The following EPB41L2 variants were observed in gnomAD, a reference collection of about 807,000 sequenced individuals.
The protein encoded by EPB41L2 is erythrocyte membrane protein band 4.1 like 2, also known as band 4.1-like protein 2.
In EPB41L2, 43 loss-of-function variants were observed where a neutral mutation model predicts 113.0. The ratio of observed to expected loss-of-function variants is 0.38; its 90% CI spans 0.30 to 0.49. The LOEUF is 0.49. Ranked by LOEUF, EPB41L2 falls within the 20% of genes least tolerant of loss-of-function variation. The probability of loss-of-function intolerance (pLI) is 0.95; values close to 1 mark genes in which losing one functional copy is unlikely to be tolerated. For missense variants in EPB41L2, 1,147 were observed against 1,223.4 expected, an observed-to-expected ratio of 0.94 and a Z score of 0.93; for synonymous variants, 442 against 436.7, an observed-to-expected ratio of 1.01 and a Z score of -0.15.
intron 1 of EPB41L2, among the ~76,000 whole-genome samples, chr6:130,997,958 C>A (rs1011760970): frequency 6.6e-6 from 1 of 152,188 alleles, no homozygotes; most frequent in Non-Finnish European, 1.5e-5. Flanking sequence ...AATAACCTTA[C>A]TTATCAACTG....
intron 14 of EPB41L2, among the ~76,000 whole-genome samples, chr6:130,876,063 G>A (rs1787469622): frequency 6.6e-6 from 1 of 151,814 alleles, no homozygotes. Context: ...TAGACTCCAA[G>A]CTCTCCAGTC....
chr6:130,845,618 C>T (rs1444684793), intron 19 of EPB41L2, among the ~76,000 whole-genome samples: 1 of 152,132 alleles, frequency 6.6e-6, no homozygotes, highest in Non-Finnish European at 1.5e-5. Context: ...AGGCCTCAAG[C>T]AATCCTCTCA....
Position 130,867,677 on chromosome 6 carries a change from AAC to A in EPB41L2, c.2608-98_2608-97del, listed in dbSNP as rs1464504184. 6.9e-6 allele frequency: 10 copies of A among 1,439,062 alleles called. No individual in the cohort carries two copies. In the Admixed American group the frequency reaches 1.4e-4, roughly 20 times the overall value. 89.1% of individuals were successfully genotyped at this position (1,439,062 alleles called of 1,614,324 possible). A position where few individuals can be genotyped will look rare whatever the true frequency, so the allele number is the denominator to read the frequency against. On this transcript the variant is annotated intron_variant, in intron 15 of 19. Coordinates refer to ENST00000337057, the MANE Select transcript of EPB41L2 (RefSeq NM_001431.4). ...CAAATAATAGTAAGAAACATATCCA[AAC>A]ACACACTCATGCACAAAAGAAAAGA... is the stretch of plus-strand genomic sequence containing the variant.
At chr6:130,979,492 CAAA>C (rs34912861) in intron 1 of EPB41L2, among the ~76,000 whole-genome samples, 5 of 85,306 alleles carry the variant, frequency 5.9e-5, no homozygotes, top group Non-Finnish European at 1.2e-4. Flanking sequence ...GAGACTCTGT[CAAA>C]AAAAAAAAAA....
intron 1 of EPB41L2, among the ~76,000 whole-genome samples, chr6:131,028,160 C>T (rs940400720): frequency 2.0e-5 from 3 of 152,114 alleles, no homozygotes; most frequent in Admixed American, 6.5e-5. Context: ...TCAGGATTAC[C>T]GACACCTTCT....
intron 1 of EPB41L2, among the ~76,000 whole-genome samples, chr6:130,967,989 G>A (rs1334466102): frequency 1.3e-5 from 2 of 152,124 alleles, no homozygotes; most frequent in African/African-American, 2.4e-5. Context: ...AAACTCCCAT[G>A]ATCATGACAG....
intron 4 of EPB41L2, among the ~76,000 whole-genome samples, chr6:130,912,754 G>GA (rs1190358285): frequency 6.6e-6 from 1 of 151,648 alleles, no homozygotes; most frequent in Non-Finnish European, 1.5e-5. Context: ...GCACAGGAAT[G>GA]AAAAAACACA....
intron 1 of EPB41L2, among the ~76,000 whole-genome samples, chr6:131,045,168 C>T (rs1295042216): frequency 4.6e-5 from 7 of 152,104 alleles, no homozygotes; most frequent in Non-Finnish European, 8.8e-5. Context: ...TCTCAACATC[C>T]CAGTAACCCT....
chr6:130,919,725 G>A (rs575080890), intron 4 of EPB41L2, among the ~76,000 whole-genome samples: 4 of 152,234 alleles, frequency 2.6e-5, no homozygotes, highest in African/African-American at 9.6e-5. Context: ...TGAGAACCCT[G>A]CTAATACTCC....
At chr6:131,004,550 A>G (rs2128717066) in intron 1 of EPB41L2, among the ~76,000 whole-genome samples, 1 of 152,338 alleles carries the variant, frequency 6.6e-6, no homozygotes, top group Non-Finnish European at 1.5e-5. Context: ...AACACTTCTA[A>G]GGAAAGCATG....
At chr6:130,933,129 T>C (rs1562520644) in intron 3 of EPB41L2, among the ~76,000 whole-genome samples, 2 of 152,256 alleles carry the variant, frequency 1.3e-5, no homozygotes, top group Admixed American at 6.5e-5. Flanking sequence ...CTCATCTTTA[T>C]GCAGAAAGGA....
At chr6:130,962,068 G>A (rs1029702447) in intron 1 of EPB41L2, among the ~76,000 whole-genome samples, 1 of 152,122 alleles carries the variant, frequency 6.6e-6, no homozygotes, top group Admixed American at 6.5e-5. Context: ...TCACGTGCTT[G>A]TATGTTCACC....
At chr6:130,915,100 G>C (rs374329639) in intron 4 of EPB41L2, among the ~76,000 whole-genome samples, 31 of 152,084 alleles carry the variant, frequency 2.0e-4, no homozygotes, top group Admixed American at 1.0e-3. Context: ...TCAGGAGATC[G>C]AGACCATCCC....
At chr6:131,039,011 G>A (rs1239742957) in intron 1 of EPB41L2, among the ~76,000 whole-genome samples, 2 of 152,078 alleles carry the variant, frequency 1.3e-5, no homozygotes, top group Admixed American at 1.3e-4. Flanking sequence ...TGACTTCCCA[G>A]AGGCTTAGAA....
chr6:131,035,605 C>A (rs918140964), intron 1 of EPB41L2, among the ~76,000 whole-genome samples: 1 of 152,140 alleles, frequency 6.6e-6, no homozygotes, highest in Non-Finnish European at 1.5e-5. Context: ...TTATCCAGAG[C>A]CTTACATTTC....
intron 1 of EPB41L2, among the ~76,000 whole-genome samples, chr6:131,011,621 C>T (rs1246974901): frequency 6.6e-6 from 1 of 152,178 alleles, no homozygotes; most frequent in African/African-American, 2.4e-5. Flanking sequence ...CAGACTAGGA[C>T]CTTCATTCAA....
chr6:130,895,115 G>A lies in EPB41L2; in HGVS notation c.1241C>T (p.Ser414Leu). The A allele has an allele frequency of 3.7e-6, 6 of 1,608,694 alleles. No homozygotes were observed. The highest frequency in any genetic ancestry group is 4.2e-6 in the Non-Finnish European group (5 of 1,176,964). The change falls in exon 9 of 20, where the codon TCA becomes TTA. Residue 414 changes from serine to leucine, a missense_variant. Ser to Leu is a moderately radical substitution (Grantham distance 145, BLOSUM62 -2). Coordinates refer to ENST00000337057, the MANE Select transcript of EPB41L2 (RefSeq NM_001431.4). ...YGVDLHHAKD[S>L]EGVDIKLGVC... is the part of the protein sequence containing the mutation. ...GCCCAGCTTGATGTCCACACCTTCT[G>A]AGTCCTGCCAAGCATAACCCAATTA... is the stretch of plus-strand genomic sequence containing the variant.
intron 18 of EPB41L2, among the ~76,000 whole-genome samples, chr6:130,858,917 G>GAC (rs1280417256): frequency 7.9e-5 from 12 of 152,238 alleles, no homozygotes; most frequent in Non-Finnish European, 1.8e-4. Context: ...GTCCCTATTT[G>GAC]ACAGTTGACA....
At chr6:130,927,279 TG>T (rs1259908270) in intron 3 of EPB41L2, among the ~76,000 whole-genome samples, 44 of 152,106 alleles carry the variant, frequency 2.9e-4, no homozygotes, top group African/African-American at 1.1e-3. Flanking sequence ...TACAAGATAA[TG>T]GAAGTGGGAC....
Sources: allele counts gnomAD v4.1 joint callset (sites outside exome capture counted in the v4.1 genomes callset), GRCh38; gene constraint gnomAD v4.1.1; transcripts MANE v1.5; gene names NCBI Gene and HGNC (gene_info 2026-07-23, HGNC 2026-07-21).